The following ODAD1 variants were observed in gnomAD, a reference collection of about 807,000 sequenced individuals.
ODAD1 encodes the protein outer dynein arm docking complex subunit 1.
Under a neutral mutation model 67.2 loss-of-function variants are expected in ODAD1, and 49 were observed. That is an observed-to-expected ratio of 0.73 (90% CI 0.58 to 0.92). The LOEUF (loss-of-function observed/expected upper bound fraction) is 0.92. ODAD1 is among the 40% of genes least tolerant of loss of function. The pLI is 0.00. For synonymous variants in ODAD1, 345 were observed against 393.7 expected, an observed-to-expected ratio of 0.88 and a Z score of 1.46; for missense variants, 897 against 953.7, an observed-to-expected ratio of 0.94 and a Z score of 0.78.
chr19:48,302,105 T>C (rs1006182349), intron 12 of ODAD1, among the ~76,000 whole-genome samples: 3 of 144,704 alleles, frequency 2.1e-5, no homozygotes, highest in African/African-American at 7.9e-5. Flanking sequence ...AATGGATGGA[T>C]GGATGGATGA....
chr19:48,304,183 G>T (rs1335737056), intron 8 of ODAD1, 43 bp from the exon 9 acceptor site: 1 of 1,557,040 alleles, frequency 6.4e-7, no homozygotes, highest in Admixed American at 1.8e-5. Context: ...AGGCTGGACT[G>T]GGGTCGGCCT....
chr19:48,297,896 G>T, intron 14 of ODAD1, 104 bp downstream of exon 14: 1 of 952,650 alleles, frequency 1.0e-6, no homozygotes. Flanking sequence ...GGCCACATCC[G>T]CCAGCCAGTC....
chr19:48,314,084 C>G (rs750325410), intron 5 of ODAD1, among the ~76,000 whole-genome samples: 5 of 151,410 alleles, frequency 3.3e-5, no homozygotes, highest in Non-Finnish European at 5.9e-5. Flanking sequence ...CTCTACTAAA[C>G]ATACAAAAAT....
At position 48,303,722 on chromosome 19, in the gene ODAD1, C is replaced by T. The variant is rs1968532116; in HGVS notation, c.916G>A (p.Asp306Asn). Reference sequence around the variant, plus strand: ...AGCTGGGACAGTTTATTCAGGGCGTCCTCGTAGCAAAGCACCAGCCTCTCC... The same window carrying T: ...AGCTGGGACAGTTTATTCAGGGCGTTCTCGTAGCAAAGCACCAGCCTCTCC... ...SQERLVLCYEDALNKLSQLMG... is the reference protein window; with the variant it reads ...SQERLVLCYENALNKLSQLMG... Residue 306 changes from aspartate (D) to asparagine (N), a missense_variant, in exon 10 of 16, where the codon GAC (aspartate) becomes AAC (asparagine). Asp to Asn is a conservative substitution (Grantham distance 23). Transcript: ENST00000674294. 1 of 1,614,110 alleles carries T rather than the reference C, an allele frequency of 6.2e-7. No individual in the cohort carries two copies. Among genetic ancestry groups the T allele is most frequent in the Admixed American group, 1.7e-5 (1 of 60,000 alleles).
At chr19:48,302,894 T>G (rs758781406) in intron 11 of ODAD1, 32 bp from the exon 12 acceptor site, 1 of 1,519,634 alleles carries the variant, frequency 6.6e-7, no homozygotes, top group African/African-American at 1.4e-5. Context: ...CTGGGCCAGA[T>G]GGCAGCCTCG....
Position 48,311,606 on chromosome 19 carries a change from G to A in ODAD1, c.544C>T (p.Leu182=). Residue 182 remains leucine (L), a synonymous_variant, in exon 7 of 16, where the codon CTG becomes TTG. Transcript: ENST00000674294. ...RNAALREELD[L]LRIDRNRYLN... is the part of the protein sequence containing the mutation. ...TAGCGGTTCCTGTCGATCCGCAGCA[G>A]ATCCAGCTCCTCCCGCAGGGCCGCA... 6.4e-7 allele frequency: 1 copy of A among 1,551,428 alleles called. No homozygotes were observed. Among genetic ancestry groups the A allele is most frequent in the Non-Finnish European group, 8.7e-7 (1 of 1,146,818 alleles).
chr19:48,304,687 ACTCT>A (rs1185790959), intron 8 of ODAD1, among the ~76,000 whole-genome samples: 3 of 150,918 alleles, frequency 2.0e-5, no homozygotes, highest in African/African-American at 7.3e-5. Context: ...ACAACACAAA[ACTCT>A]CGGTGTGCTG....
At chr19:48,310,418 T>C (rs12979693) in intron 7 of ODAD1, among the ~76,000 whole-genome samples, 28,489 of 151,676 alleles carry the variant, frequency 0.19, 2,767 homozygotes, top group Middle Eastern at 0.23. Context: ...AGTAGGAAAA[T>C]CAAGTTCACT....
intron 5 of ODAD1, among the ~76,000 whole-genome samples, chr19:48,313,942 A>C (rs1226764177): frequency 6.6e-6 from 1 of 151,626 alleles, no homozygotes; most frequent in Non-Finnish European, 1.5e-5. Flanking sequence ...GGAGAATGCC[A>C]CGTAAGGATA....
chr19:48,303,278 G>A (rs1433310249), intron 10 of ODAD1, 183 bp from the exon 11 acceptor site: 14 of 633,368 alleles, frequency 2.2e-5, no homozygotes, highest in East Asian at 1.6e-4. Flanking sequence ...GGGAAGATAC[G>A]GCAGGTGGGA....
intron 5 of ODAD1, among the ~76,000 whole-genome samples, chr19:48,315,501 G>A (rs377458): frequency 3.3e-5 from 5 of 151,764 alleles, no homozygotes; most frequent in African/African-American, 7.3e-5. Flanking sequence ...CTGAGACTGC[G>A]CCACTGCACT....
At position 48,311,636 on chromosome 19, in the gene ODAD1, G is replaced by C. The variant is rs556570604; in HGVS notation, c.514C>G (p.Arg172Gly). Residue 172 changes from arginine to glycine, a missense_variant, in exon 7 of 16, where the codon CGG (arginine) becomes GGG (glycine). Coordinates refer to ENST00000674294, the MANE Select transcript of ODAD1 (RefSeq NM_001364171.2). ...VTCHFDNQLV[R>G]NAALREELDL... ...AGCTCCTCCCGCAGGGCCGCATTCC[G>C]TACCAGCTGGTTGTCAAAGTGACAG... is the stretch of plus-strand genomic sequence containing the variant. 3.0e-5 allele frequency: 47 copies of C among 1,550,622 alleles called. No individual in the cohort carries two copies. The highest frequency in any genetic ancestry group is 4.0e-5 in the Non-Finnish European group (46 of 1,146,200).
chr19:48,311,449 T>C (rs750825472), intron 7 of ODAD1, 104 bp downstream of exon 7: 1 of 698,514 alleles, frequency 1.4e-6, no homozygotes, highest in Non-Finnish European at 2.6e-6. Context: ...CTCTAGTCAA[T>C]CCCATACTTG....
intron 8 of ODAD1, among the ~76,000 whole-genome samples, chr19:48,304,617 CAAAA>C (rs11324459): frequency 7.0e-6 from 1 of 143,042 alleles, no homozygotes. Context: ...GAAACTGTCT[CAAAA>C]AAAAAAAAAA....
intron 7 of ODAD1, among the ~76,000 whole-genome samples, chr19:48,308,678 A>T (rs1336540964): frequency 1.3e-5 from 2 of 152,002 alleles, no homozygotes; most frequent in African/African-American, 4.8e-5. Context: ...CTGAGTTGGG[A>T]TGGGAGCTCC....
Position 48,297,061 on chromosome 19 carries a change from C to T in ODAD1, c.2039G>A (p.Gly680Glu), listed in dbSNP as rs1569000282. Residue 680 changes from glycine to glutamate, a missense_variant, in exon 16 of 16, where the codon GGG becomes GAG. Physicochemically the swap from Gly to Glu is moderately conservative, Grantham distance 98. Coordinates refer to ENST00000674294, the MANE Select transcript of ODAD1 (RefSeq NM_001364171.2). ...GCTGGAGACGTGGTCTCTGCTGGACCCGAGGCCTCCGCTCGAATCAGACGC... is the reference window on the plus strand; with the variant it reads ...GCTGGAGACGTGGTCTCTGCTGGACTCGAGGCCTCCGCTCGAATCAGACGC... Reference protein sequence around the residue: ...GTASDSSGGLGSSRDHVSSTG... With the variant: ...GTASDSSGGLESSRDHVSSTG... 2 of 1,613,018 alleles carry T rather than the reference C, an allele frequency of 1.2e-6. No homozygotes were observed. The highest frequency in any genetic ancestry group is 3.3e-5 in the Admixed American group (2 of 60,014).
chr19:48,296,459 A>G (rs2292112), downstream of ODAD1: 103,361 of 152,760 alleles, frequency 0.68, 35,328 homozygotes, highest in African/African-American at 0.73. Flanking sequence ...GGCTGAAGCC[A>G]GCTCTCCACA....
At position 48,312,424 on chromosome 19, in the gene ODAD1, T is replaced by TGG. The variant is rs1569009598; in HGVS notation, c.361-309_361-308insCC. On this transcript the variant is annotated intron_variant, in intron 5 of 15. Transcript: ENST00000674294. Reference sequence around the variant, plus strand: ...CGTTTTTTTTTTTGTTTTTTTTTTTTTTTTTTTTGAGACAGAGTCTTGCTC... The same window carrying TGG: ...CGTTTTTTTTTTTGTTTTTTTTTTTTGGTTTTTTTTGAGACAGAGTCTTGCTC... Among the ~76,000 whole-genome samples the TGG allele has an allele frequency of 2.3e-4, 33 of 143,174 alleles. 1 individual carries two copies. Among genetic ancestry groups the TGG allele is most frequent in the African/African-American group, 8.5e-4 (33 of 38,772 alleles). 93.9% of individuals were successfully genotyped at this position (143,174 alleles called of 152,430 possible). A position where few individuals can be genotyped will look rare whatever the true frequency, so the allele number is the denominator to read the frequency against.
chr19:48,306,693 A>G (rs1968616380), intron 7 of ODAD1, among the ~76,000 whole-genome samples: 1 of 152,228 alleles, frequency 6.6e-6, no homozygotes, highest in Non-Finnish European at 1.5e-5. Context: ...AATTAAATCA[A>G]TAAAGAGAGG....
Sources: allele counts gnomAD v4.1 joint callset (sites outside exome capture counted in the v4.1 genomes callset), GRCh38; gene constraint gnomAD v4.1.1; transcripts MANE v1.5; gene names NCBI Gene and HGNC (gene_info 2026-07-23, HGNC 2026-07-21).